Variants in LRRC4C observed in about 807,000 individuals in gnomAD.
The protein encoded by LRRC4C is leucine-rich repeat-containing protein 4C.
LRRC4C carries 5 observed loss-of-function variants against 33.6 expected under a neutral mutation model. The observed-to-expected ratio is 0.15, with a 90% CI of 0.08 to 0.31. LRRC4C has a LOEUF of 0.31. Ranked by LOEUF, LRRC4C falls within the 10% of genes least tolerant of loss-of-function variation. LRRC4C has a pLI of 1.00. For synonymous variants in LRRC4C, 329 were observed against 302.0 expected (o/e 1.09, Z -0.93); for missense variants, 560 against 796.7 (o/e 0.70, Z 3.58).
intron 5 of LRRC4C, among the ~76,000 whole-genome samples, chr11:40,176,356 A>G (rs1445069840): frequency 6.6e-6 from 1 of 152,140 alleles, no homozygotes; most frequent in Non-Finnish European, 1.5e-5. Context: ...TGTTTTGTTC[A>G]CTGTTTATTC....
intron 2 of LRRC4C, among the ~76,000 whole-genome samples, chr11:40,916,854 T>C (rs1266226398): frequency 6.6e-6 from 1 of 152,040 alleles, no homozygotes; most frequent in African/African-American, 2.4e-5. Flanking sequence ...ACAAGTTTTG[T>C]TTTAAAAAGA....
At chr11:41,236,671 T>G (rs1948038126) in intron 1 of LRRC4C, among the ~76,000 whole-genome samples, 1 of 152,148 alleles carries the variant, frequency 6.6e-6, no homozygotes, top group Non-Finnish European at 1.5e-5. Context: ...TAAATTGATC[T>G]TCCTATGCTT....
intron 1 of LRRC4C, among the ~76,000 whole-genome samples, chr11:41,364,920 C>G (rs542900065): frequency 3.9e-5 from 6 of 152,192 alleles, no homozygotes; most frequent in African/African-American, 1.4e-4. Context: ...TTACTTGGTC[C>G]TTCAGAAATT....
At chr11:41,408,400 A>G (rs1328018398) in intron 1 of LRRC4C, among the ~76,000 whole-genome samples, 2 of 152,150 alleles carry the variant, frequency 1.3e-5, no homozygotes, top group African/African-American at 2.4e-5. Context: ...TCACTTGTCC[A>G]TACTCTATAG....
intron 1 of LRRC4C, among the ~76,000 whole-genome samples, chr11:41,250,848 G>A (rs1948615210): frequency 6.6e-6 from 1 of 152,182 alleles, no homozygotes; most frequent in African/African-American, 2.4e-5. Context: ...GGCAGAAGAA[G>A]CTTAAGATGT....
chr11:40,988,939 C>T (rs937541776), intron 1 of LRRC4C, among the ~76,000 whole-genome samples: 2 of 151,806 alleles, frequency 1.3e-5, no homozygotes, highest in African/African-American at 4.8e-5. Context: ...CCAGGATGGT[C>T]GCGATCTCCT....
intron 2 of LRRC4C, among the ~76,000 whole-genome samples, chr11:40,887,006 AC>A (rs1955497995): frequency 6.6e-6 from 1 of 150,912 alleles, no homozygotes; most frequent in Admixed American, 6.6e-5. Flanking sequence ...ACACACACAC[AC>A]ACACACACAC....
intron 2 of LRRC4C, among the ~76,000 whole-genome samples, chr11:40,824,296 C>G (rs1339064395): frequency 6.6e-6 from 1 of 151,494 alleles, no homozygotes; most frequent in Non-Finnish European, 1.5e-5. Flanking sequence ...TGTATTAAAC[C>G]TCACTAAAGC....
At chr11:41,448,678 G>A (rs763571225) in intron 1 of LRRC4C, among the ~76,000 whole-genome samples, 3 of 152,126 alleles carry the variant, frequency 2.0e-5, no homozygotes, top group Non-Finnish European at 4.4e-5. Context: ...CTCTTGTGAA[G>A]AAAGGTATTA....
intron 2 of LRRC4C, among the ~76,000 whole-genome samples, chr11:40,672,266 G>A (rs888251543): frequency 5.3e-5 from 8 of 151,988 alleles, no homozygotes; most frequent in Non-Finnish European, 8.8e-5. Context: ...GTTCTCTCTT[G>A]GGCCTCTTTT....
intron 4 of LRRC4C, among the ~76,000 whole-genome samples, chr11:40,299,848 GAT>G (rs772757944): frequency 2.0e-5 from 3 of 152,218 alleles, no homozygotes; most frequent in Non-Finnish European, 4.4e-5. Context: ...AAGAGCTGGG[GAT>G]GGAAGACAGA....
intron 1 of LRRC4C, among the ~76,000 whole-genome samples, chr11:41,350,187 T>C (rs1951930703): frequency 6.6e-6 from 1 of 152,190 alleles, no homozygotes; most frequent in African/African-American, 2.4e-5. Flanking sequence ...GAACACACTT[T>C]GAGAACCACT....
At chr11:41,056,822 T>C (rs1858653024) in intron 1 of LRRC4C, among the ~76,000 whole-genome samples, 2 of 152,246 alleles carry the variant, frequency 1.3e-5, no homozygotes, top group Admixed American at 6.5e-5. Context: ...ATGGCAGTGA[T>C]GGGCCATCTG....
chr11:41,022,266 T>C (rs1317800394), intron 1 of LRRC4C, among the ~76,000 whole-genome samples: 1 of 150,054 alleles, frequency 6.7e-6, no homozygotes, highest in Non-Finnish European at 1.5e-5. Context: ...AAGATTAACA[T>C]TGGTTGACAT....
chr11:40,260,105 G>A (rs36149900), intron 4 of LRRC4C, among the ~76,000 whole-genome samples: 4,063 of 115,008 alleles, frequency 0.035, 76 homozygotes, highest in Non-Finnish European at 0.052. Flanking sequence ...ACATGCACAC[G>A]TATGTTTATT....
intron 3 of LRRC4C, among the ~76,000 whole-genome samples, chr11:40,498,566 G>A (rs984981887): frequency 1.3e-5 from 2 of 152,140 alleles, no homozygotes; most frequent in African/African-American, 4.8e-5. Context: ...ATCTTAGGTC[G>A]ATAGCCTTGG....
intron 3 of LRRC4C, among the ~76,000 whole-genome samples, chr11:40,366,064 GC>G (rs1948195211): frequency 6.6e-6 from 1 of 151,904 alleles, no homozygotes; most frequent in Admixed American, 6.6e-5. Context: ...CTTAGAAAAA[GC>G]CTGATTTTAT....
chr11:41,408,344 C>T (rs1007525550), intron 1 of LRRC4C, among the ~76,000 whole-genome samples: 8 of 152,168 alleles, frequency 5.3e-5, no homozygotes, highest in South Asian at 4.1e-4. Context: ...AAACTGGGAC[C>T]ATTTTTGTGC....
intron 2 of LRRC4C, among the ~76,000 whole-genome samples, chr11:40,874,038 A>C (rs1354850775): frequency 1.3e-5 from 2 of 152,232 alleles, no homozygotes; most frequent in African/African-American, 4.8e-5. Context: ...CTAATACCAG[A>C]TAATACACAG....
Sources: allele counts gnomAD v4.1 joint callset (sites outside exome capture counted in the v4.1 genomes callset), GRCh38; gene constraint gnomAD v4.1.1; transcripts MANE v1.5; gene names NCBI Gene and HGNC (gene_info 2026-07-23, HGNC 2026-07-21).